The following SF3B1 variants were observed in gnomAD, a reference collection of about 807,000 sequenced individuals.
SF3B1 encodes the protein pre-mRNA processing 10.
Under a neutral mutation model 153.8 loss-of-function variants are expected in SF3B1, and 12 were observed. The ratio of observed to expected loss-of-function variants is 0.08; its 90% confidence interval spans 0.05 to 0.13. SF3B1 has a LOEUF of 0.13. Ranked by LOEUF, SF3B1 falls within the 10% of genes least tolerant of loss-of-function variation. The pLI, the probability that SF3B1 is intolerant of heterozygous loss-of-function variation, is 1.00. For missense variants in SF3B1, 513 were observed against 1,606.1 expected, an observed-to-expected ratio of 0.32 and a Z score of 11.63; for synonymous variants, 498 against 525.2, an observed-to-expected ratio of 0.95 and a Z score of 0.71.
At chr2:197,393,560 C>T (rs1204070774) in intron 23 of SF3B1, among the ~76,000 whole-genome samples, 3 of 151,530 alleles carry the variant, frequency 2.0e-5, no homozygotes, top group African/African-American at 4.9e-5. Context: ...TCAAGCAATT[C>T]GCCTGCCTCA....
chr2:197,421,062 T>C lies in SF3B1; in HGVS notation c.267A>G (p.Ala89=). Reference sequence around the variant, plus strand: ...TTGACTGTGGTATATCATTAAGCAATGCCACAGGGGCATGATATCCTGGCT... The same window carrying C: ...TTGACTGTGGTATATCATTAAGCAACGCCACAGGGGCATGATATCCTGGCT... ...QKKPGYHAPV[A]LLNDIPQSTE... is the part of the protein sequence containing the mutation. Residue 89 remains alanine (A), a synonymous_variant, in exon 3 of 25, where the codon GCA becomes GCG. Coordinates refer to ENST00000335508, the MANE Select transcript of SF3B1 (RefSeq NM_012433.4). The C allele has an allele frequency of 3.1e-6, 5 of 1,612,714 alleles. No homozygotes were observed. The highest frequency in any genetic ancestry group is 1.7e-4 in the Middle Eastern group (1 of 6,058).
At chr2:197,403,151 A>G (rs1001299822) in intron 12 of SF3B1, 116 bp from the exon 13 acceptor site, 10 of 763,106 alleles carry the variant, frequency 1.3e-5, no homozygotes, top group Non-Finnish European at 2.2e-5. Flanking sequence ...TTGTTAATCA[A>G]GGGACGAACT....
intron 7 of SF3B1, 160 bp from the exon 8 acceptor site, chr2:197,408,741 G>A: frequency 1.7e-6 from 1 of 605,354 alleles, no homozygotes; most frequent in Non-Finnish European, 2.9e-6. Context: ...TGATCAACAT[G>A]ATGAAACTCT....
chr2:197,423,318 C>T (rs1401389046), intron 2 of SF3B1, among the ~76,000 whole-genome samples: 1 of 147,008 alleles, frequency 6.8e-6, no homozygotes, highest in East Asian at 2.0e-4. Flanking sequence ...AACCGGGAGG[C>T]GGAGGTTGCA....
chr2:197,410,415 G>T (rs1272135678), intron 6 of SF3B1, among the ~76,000 whole-genome samples: 1 of 151,716 alleles, frequency 6.6e-6, no homozygotes, highest in African/African-American at 2.4e-5. Context: ...GAAGGAATTC[G>T]TGTGTTCTAA....
At chr2:197,409,718 TA>T in intron 7 of SF3B1, 51 bp downstream of exon 7, 1 of 1,378,302 alleles carries the variant, frequency 7.3e-7, no homozygotes, top group Non-Finnish European at 1.0e-6. Flanking sequence ...TTTCAGTCTG[TA>T]AACATATCAC....
intron 7 of SF3B1, among the ~76,000 whole-genome samples, chr2:197,409,195 T>A (rs965786040): frequency 2.0e-5 from 3 of 151,366 alleles, no homozygotes; most frequent in African/African-American, 7.3e-5. Context: ...AGGTCGGGAG[T>A]TCGAGACCCG....
At chr2:197,393,221 G>A (rs898421230) in intron 23 of SF3B1, 33 bp from the exon 24 acceptor site, 4 of 1,434,920 alleles carry the variant, frequency 2.8e-6, no homozygotes, top group Middle Eastern at 1.7e-4. Flanking sequence ...CCTTTAAGAT[G>A]CGGTCTTATA....
chr2:197,399,161 C>A, intron 20 of SF3B1: 1 of 1,109,992 alleles, frequency 9.0e-7, no homozygotes. Context: ...GTTTAAAACT[C>A]CCTGCAAACC....
At chr2:197,399,167 A>C (rs2084910023) in intron 20 of SF3B1, 1 of 1,078,696 alleles carries the variant, frequency 9.3e-7, no homozygotes, top group South Asian at 1.7e-5. Context: ...AACTCCCTGC[A>C]AACCAGAGCC....
intron 1 of SF3B1, among the ~76,000 whole-genome samples, chr2:197,426,286 G>A (rs918676730): frequency 2.0e-5 from 3 of 151,508 alleles, no homozygotes; most frequent in South Asian, 2.1e-4. Flanking sequence ...CACCCCCTTC[G>A]GGCATCTTCT....
intron 1 of SF3B1, among the ~76,000 whole-genome samples, chr2:197,434,487 A>C (rs561754819): frequency 6.6e-6 from 1 of 152,360 alleles, no homozygotes; most frequent in African/African-American, 2.4e-5. Flanking sequence ...TAAACAAGTA[A>C]CTGACGCTTG....
At chr2:197,394,147 G>T (rs559066388) in intron 23 of SF3B1, among the ~76,000 whole-genome samples, 3 of 151,882 alleles carry the variant, frequency 2.0e-5, no homozygotes, top group Admixed American at 1.3e-4. Context: ...TTGTGCCACT[G>T]CACTCCAGCC....
rs1041712040 is a variant in SF3B1 at position 197,416,972 on chromosome 2, C to T, written c.496-61G>A. The T allele has an allele frequency of 4.0e-6, 6 of 1,493,862 alleles. No homozygotes were observed. In the African/African-American group the frequency reaches 4.2e-5, roughly 10 times the overall value. 92.5% of individuals were successfully genotyped at this position (1,493,862 alleles called of 1,614,324 possible). ...TTTCAATGTATTTTTCTACCATTAGCGCAATCACTTCCACTTAACATCCTA... is the reference window on the plus strand; with the variant it reads ...TTTCAATGTATTTTTCTACCATTAGTGCAATCACTTCCACTTAACATCCTA... On this transcript the variant is annotated intron_variant, in intron 5 of 24. Transcript: ENST00000335508.
rs750341584 is a variant in SF3B1 at position 197,416,786 on chromosome 2, A to G, written c.621T>C (p.Thr207=). Residue 207 remains threonine, a synonymous_variant, in exon 6 of 25, where the codon ACT becomes ACC. Coordinates refer to ENST00000335508, the MANE Select transcript of SF3B1 (RefSeq NM_012433.4). ...ATAGTTTTTTGGGAGTGGCACCAGG[A>G]GTCTGATCAGCTGTTTGATCCCAAC... ...KRRWDQTADQ[T]PGATPKKLSS... is the part of the protein sequence containing the mutation. 1 of 1,614,192 alleles carries G rather than the reference A, an allele frequency of 6.2e-7. No individual in the cohort carries two copies. The highest frequency in any genetic ancestry group is 8.5e-7 in the Non-Finnish European group (1 of 1,180,038).
intron 23 of SF3B1, among the ~76,000 whole-genome samples, chr2:197,395,669 G>T (rs2084867803): frequency 6.6e-6 from 1 of 152,200 alleles, no homozygotes; most frequent in Admixed American, 6.5e-5. Context: ...AAAGGCTTAA[G>T]AGAAACCTGT....
chr2:197,430,336 A>C (rs2085407883), intron 1 of SF3B1, among the ~76,000 whole-genome samples: 1 of 152,242 alleles, frequency 6.6e-6, no homozygotes, highest in African/African-American at 2.4e-5. Context: ...TCTGCTTCAA[A>C]ATAATGGGAA....
intron 7 of SF3B1, among the ~76,000 whole-genome samples, chr2:197,408,877 C>A (rs1013761982): frequency 6.6e-6 from 1 of 151,928 alleles, no homozygotes; most frequent in Non-Finnish European, 1.5e-5. Context: ...CAGCCGAGAG[C>A]GCACCACTGC....
At chr2:197,409,304 G>C (rs1409174536) in intron 7 of SF3B1, among the ~76,000 whole-genome samples, 1 of 152,132 alleles carries the variant, frequency 6.6e-6, no homozygotes, top group Non-Finnish European at 1.5e-5. Context: ...GAAGGCTGAG[G>C]CAGGAGAATC....
Sources: allele counts gnomAD v4.1 joint callset (sites outside exome capture counted in the v4.1 genomes callset), GRCh38; gene constraint gnomAD v4.1.1; transcripts MANE v1.5; gene names NCBI Gene and HGNC (gene_info 2026-07-23, HGNC 2026-07-21).